FAM110B: variants seen among roughly 807,000 people sequenced by gnomAD.
FAM110B encodes family with sequence similarity 110 member B.
A neutral mutation model predicts 20.4 loss-of-function variants in FAM110B; 6 were observed. The observed-to-expected ratio is 0.29, with a 90% confidence interval of 0.16 to 0.58. The LOEUF is 0.58. Ranked by LOEUF, FAM110B falls within the 20% of genes least tolerant of loss-of-function variation. The pLI, the probability that FAM110B is intolerant of heterozygous loss-of-function variation, is 0.90. For missense variants in FAM110B, 434 were observed against 498.2 expected (o/e 0.87, Z 1.23); for synonymous variants, 226 against 214.1 (o/e 1.06, Z -0.49).
chr8:58,127,405 A>G (rs1471594363), intron 3 of FAM110B, among the ~76,000 whole-genome samples: 16 of 152,204 alleles, frequency 1.1e-4, no homozygotes, highest in Non-Finnish European at 1.5e-4. Flanking sequence ...TATAAGTTTT[A>G]GCATAATCTT....
chr8:58,128,244 A>G, intron 3 of FAM110B, among the ~76,000 whole-genome samples: 1 of 152,144 alleles, frequency 6.6e-6, no homozygotes, highest in East Asian at 1.9e-4. Context: ...AGAGTCACAG[A>G]GCTAAAAGAC....
At chr8:58,107,615 A>C (rs1234693802) in intron 3 of FAM110B, among the ~76,000 whole-genome samples, 2 of 152,230 alleles carry the variant, frequency 1.3e-5, no homozygotes, top group Non-Finnish European at 2.9e-5. Flanking sequence ...CTATAGTTTA[A>C]AACCTCAAAA....
Position 58,064,960 on chromosome 8 carries a change from T to C in FAM110B, c.-413-10575T>C, listed in dbSNP as rs1359453976. Among the ~76,000 whole-genome samples the C allele has an allele frequency of 3.3e-5, 5 of 152,208 alleles. 1 individual carries two copies. ...TGTATGACTCTTATCGAGACAGCTA[T>C]CCTTTAGCCTCTACTAATTTTAAAA... On this transcript the variant is annotated intron_variant, in intron 2 of 3. Transcript: ENST00000519262.
chr8:58,039,487 A>G (rs1805156333), intron 2 of FAM110B, among the ~76,000 whole-genome samples: 1 of 152,218 alleles, frequency 6.6e-6, no homozygotes, highest in African/African-American at 2.4e-5. Context: ...AAAGTCTTAT[A>G]CATGTGAGAT....
chr8:58,146,899 C>A lies in FAM110B; in HGVS notation c.669C>A (p.Pro223=), dbSNP rs774009638. The change falls in exon 4 of 4, where the codon CCC becomes CCA. Residue 223 remains proline (P), a synonymous_variant. Coordinates refer to ENST00000519262, the MANE Select transcript of FAM110B (RefSeq NM_001377989.1). Reference sequence around the variant, plus strand: ...TCCCCTGCAGTAGCTCTGCCCCTCCCCTGCCTCCCAAGCCCAAAATCGCAG... The same window carrying A: ...TCCCCTGCAGTAGCTCTGCCCCTCCACTGCCTCCCAAGCCCAAAATCGCAG... ...KAIPCSSSAP[P]LPPKPKIAAI... is the part of the protein sequence containing the mutation. The A allele has an allele frequency of 6.2e-7, 1 of 1,614,238 alleles. No individual in the cohort carries two copies.
intron 3 of FAM110B, among the ~76,000 whole-genome samples, chr8:58,143,670 C>T (rs1803791446): frequency 6.6e-6 from 1 of 152,232 alleles, no homozygotes; most frequent in South Asian, 2.1e-4. Context: ...ATTCCTCACT[C>T]TTGTGAATCG....
intron 3 of FAM110B, among the ~76,000 whole-genome samples, chr8:58,122,573 A>G (rs925144293): frequency 1.3e-5 from 2 of 151,884 alleles, no homozygotes. Flanking sequence ...TGAATCTTTA[A>G]ATTTTAAGTA....
At chr8:58,099,462 G>T (rs1015814085) in intron 3 of FAM110B, among the ~76,000 whole-genome samples, 23 of 151,916 alleles carry the variant, frequency 1.5e-4, no homozygotes, top group Admixed American at 9.2e-4. Flanking sequence ...ATTTATTATA[G>T]TTTAAAAATT....
chr8:58,043,752 A>G (rs894661733), intron 2 of FAM110B, among the ~76,000 whole-genome samples: 13 of 152,298 alleles, frequency 8.5e-5, no homozygotes, highest in East Asian at 7.7e-4. Context: ...TGGTTTAGCT[A>G]TTTTACATGT....
chr8:58,082,850 T>G (rs926023152), intron 3 of FAM110B, among the ~76,000 whole-genome samples: 65 of 150,314 alleles, frequency 4.3e-4, no homozygotes, highest in South Asian at 2.9e-3. Flanking sequence ...TTTTTTTGTT[T>G]TTTTTTTTTT....
chr8:58,068,169 G>A lies in FAM110B; in HGVS notation c.-413-7366G>A, dbSNP rs150831842. On this transcript the variant is annotated intron_variant, in intron 2 of 3. Coordinates refer to ENST00000519262, the MANE Select transcript of FAM110B (RefSeq NM_001377989.1). ...TAGCCTGTATCCTGGCAGCCTTCAG[G>A]GAGCTGTGCCTTAGGCCAAATCTCT... 2.9e-3 allele frequency among the ~76,000 whole-genome samples: 436 copies of A among 152,292 alleles called. 1 individual carries two copies. The highest frequency in any genetic ancestry group is 9.8e-3 in the African/African-American group (408 of 41,552).
chr8:58,122,301 G>T (rs1296975124), intron 3 of FAM110B, among the ~76,000 whole-genome samples: 1 of 151,978 alleles, frequency 6.6e-6, no homozygotes, highest in Non-Finnish European at 1.5e-5. Context: ...CCTTACTGTG[G>T]ATTTTTTGTT....
chr8:58,035,285 A>C (rs1400989043), intron 2 of FAM110B, among the ~76,000 whole-genome samples: 1 of 152,248 alleles, frequency 6.6e-6, no homozygotes, highest in Non-Finnish European at 1.5e-5. Context: ...GATTAAAGCA[A>C]GCAAATTGAA....
intron 2 of FAM110B, among the ~76,000 whole-genome samples, chr8:58,071,894 T>C (rs1805906861): frequency 1.3e-5 from 2 of 152,190 alleles, no homozygotes; most frequent in African/African-American, 4.8e-5. Context: ...TCCACTTCCT[T>C]GATACAAACC....
At chr8:58,033,412 C>A (rs1805010696) in intron 2 of FAM110B, among the ~76,000 whole-genome samples, 1 of 152,194 alleles carries the variant, frequency 6.6e-6, no homozygotes, top group Non-Finnish European at 1.5e-5. Context: ...TTCAGTTATA[C>A]ACCCAATAAT....
chr8:58,072,282 T>C (rs528206126), intron 2 of FAM110B, among the ~76,000 whole-genome samples: 1 of 152,326 alleles, frequency 6.6e-6, no homozygotes, highest in East Asian at 1.9e-4. Context: ...GTGTGTGTCA[T>C]GGAAAGATGT....
At chr8:58,080,368 GA>G (rs1445952076) in intron 3 of FAM110B, among the ~76,000 whole-genome samples, 1 of 152,170 alleles carries the variant, frequency 6.6e-6, no homozygotes, top group African/African-American at 2.4e-5. Context: ...GCTAGAGTAG[GA>G]AAGAGGCCAA....
At chr8:58,034,207 C>T (rs1289912353) in intron 2 of FAM110B, among the ~76,000 whole-genome samples, 3 of 152,144 alleles carry the variant, frequency 2.0e-5, no homozygotes, top group African/African-American at 7.2e-5. Context: ...TCCTGGAATG[C>T]CTAGTGCCCT....
intron 1 of FAM110B, among the ~76,000 whole-genome samples, chr8:58,015,250 G>A (rs1015216411): frequency 2.0e-5 from 3 of 152,018 alleles, no homozygotes; most frequent in Non-Finnish European, 4.4e-5. Context: ...GCAGCTACTC[G>A]GGAGGCTGAA....
Sources: allele counts gnomAD v4.1 joint callset (sites outside exome capture counted in the v4.1 genomes callset), GRCh38; gene constraint gnomAD v4.1.1; transcripts MANE v1.5; gene names NCBI Gene and HGNC (gene_info 2026-07-23, HGNC 2026-07-21).